PEX5L: variants seen among roughly 807,000 people sequenced by gnomAD.
The protein encoded by PEX5L is PEX5-related protein.
PEX5L carries 30 observed loss-of-function variants against 84.0 expected under a neutral mutation model. The ratio of observed to expected loss-of-function variants is 0.36; its 90% CI spans 0.27 to 0.48. The LOEUF (loss-of-function observed/expected upper bound fraction) is 0.48, where lower values mean the gene tolerates loss of function less well. PEX5L is among the 20% of genes least tolerant of loss of function. The probability of loss-of-function intolerance (pLI) is 0.99; values close to 1 mark genes in which losing one functional copy is unlikely to be tolerated. For synonymous variants in PEX5L, 270 were observed against 283.1 expected (o/e 0.95, Z 0.46); for missense variants, 533 against 754.6 (o/e 0.71, Z 3.44).
chr3:179,796,149 A>G lies in PEX5L; in HGVS notation c.*5679T>C, dbSNP rs1390284187. 6.6e-6 allele frequency: 1 copy of G among 152,096 alleles called. No individual in the cohort carries two copies. Among genetic ancestry groups the G allele is most frequent in the African/African-American group, 2.4e-5 (1 of 41,386 alleles). The allele number at this position is 152,096 out of a possible 1,614,324, so 9.4% of individuals were successfully genotyped here. On this transcript the variant is annotated 3_prime_UTR_variant, in exon 15 of 15. Transcript: ENST00000467460. ...CCTCTTAGTCTTTTTGTGTTATACC[A>G]TTTCCCTTTCCAAGAAATCCAAAGA...
At chr3:179,948,266 A>G (rs1306587537) in intron 2 of PEX5L, among the ~76,000 whole-genome samples, 2 of 152,212 alleles carry the variant, frequency 1.3e-5, no homozygotes, top group Non-Finnish European at 2.9e-5. Flanking sequence ...AAAGTTATTA[A>G]ATGATCAATC....
chr3:179,981,163 T>A (rs1786290919), intron 1 of PEX5L, among the ~76,000 whole-genome samples: 1 of 151,998 alleles, frequency 6.6e-6, no homozygotes, highest in Non-Finnish European at 1.5e-5. Flanking sequence ...GAGGATGGGG[T>A]GGCTGGAACA....
chr3:179,977,263 G>A (rs1054341999), intron 1 of PEX5L, among the ~76,000 whole-genome samples: 39 of 152,154 alleles, frequency 2.6e-4, no homozygotes, highest in African/African-American at 8.9e-4. Context: ...AAAAGATGGG[G>A]CCAGGACTTT....
At chr3:179,882,866 C>T (rs1256511391) in intron 4 of PEX5L, among the ~76,000 whole-genome samples, 2 of 152,050 alleles carry the variant, frequency 1.3e-5, no homozygotes, top group Non-Finnish European at 2.9e-5. Flanking sequence ...GCAGGAGGAT[C>T]GCTCGAAGCC....
chr3:179,888,658 G>T (rs1269811162), intron 3 of PEX5L, among the ~76,000 whole-genome samples: 1 of 151,140 alleles, frequency 6.6e-6, no homozygotes, highest in Non-Finnish European at 1.5e-5. Context: ...TTTTTTGGGG[G>T]GGGTGGGGGA....
chr3:179,989,310 CTG>C lies in PEX5L; in HGVS notation c.22-17647_22-17646del, dbSNP rs572734562. Among the ~76,000 whole-genome samples the C allele has an allele frequency of 1.6e-3, 249 of 152,310 alleles. 2 individuals carry two copies. The highest frequency in any genetic ancestry group is 6.8e-3 in the Middle Eastern group (2 of 294). ...TGAGACTATCTCTACTAATGATTGA[CTG>C]TTTTGAACAGAGTTCCTATATTTAG... On this transcript the variant is annotated intron_variant, in intron 1 of 14. Coordinates refer to ENST00000467460, the MANE Select transcript of PEX5L (RefSeq NM_016559.3).
chr3:179,973,019 G>T, intron 1 of PEX5L: 1 of 308,108 alleles, frequency 3.2e-6, no homozygotes, highest in Non-Finnish European at 5.9e-6. Context: ...AACAAGGTTG[G>T]TTTCAGTCAA....
intron 7 of PEX5L, among the ~76,000 whole-genome samples, chr3:179,871,632 C>G (rs1750424876): frequency 6.6e-6 from 1 of 152,198 alleles, no homozygotes; most frequent in Non-Finnish European, 1.5e-5. Context: ...GCCAATCACA[C>G]AGTTGTGGCT....
chr3:180,002,324 A>G (rs1490998925), intron 1 of PEX5L, among the ~76,000 whole-genome samples: 1 of 152,158 alleles, frequency 6.6e-6, no homozygotes, highest in Non-Finnish European at 1.5e-5. Flanking sequence ...CCAGGTTACA[A>G]GCTTGCTGAC....
chr3:179,949,633 T>C (rs1778547969), intron 2 of PEX5L, among the ~76,000 whole-genome samples: 1 of 152,002 alleles, frequency 6.6e-6, no homozygotes, highest in South Asian at 2.1e-4. Context: ...ACAAAGACAC[T>C]GAGTGGAGAC....
intron 1 of PEX5L, 90 bp downstream of exon 1, chr3:180,036,489 A>G: frequency 8.4e-7 from 1 of 1,185,512 alleles, no homozygotes; most frequent in Non-Finnish European, 1.3e-6. Flanking sequence ...AGCTGTGCGA[A>G]GGCAGCACTT....
chr3:180,005,580 T>C (rs1788810090), intron 1 of PEX5L, among the ~76,000 whole-genome samples: 1 of 151,980 alleles, frequency 6.6e-6, no homozygotes, highest in African/African-American at 2.4e-5. Context: ...CACAAAAAAA[T>C]TGGCCAGGCA....
At chr3:179,939,047 T>C (rs553744280) in intron 2 of PEX5L, among the ~76,000 whole-genome samples, 105 of 152,330 alleles carry the variant, frequency 6.9e-4, no homozygotes, top group African/African-American at 2.5e-3. Context: ...AAAGACTGCA[T>C]CATGCTGCTG....
At chr3:179,912,657 A>C (rs1765592768) in intron 2 of PEX5L, among the ~76,000 whole-genome samples, 1 of 152,060 alleles carries the variant, frequency 6.6e-6, no homozygotes, top group South Asian at 2.1e-4. Context: ...TTATGTTTGA[A>C]AATTTAGAAT....
chr3:179,985,170 T>C (rs1012058211), intron 1 of PEX5L, among the ~76,000 whole-genome samples: 2 of 152,214 alleles, frequency 1.3e-5, no homozygotes, highest in African/African-American at 4.8e-5. Flanking sequence ...TTACAAGGAT[T>C]ACAGGAAATA....
At chr3:179,883,691 G>A (rs1353438324) in intron 4 of PEX5L, among the ~76,000 whole-genome samples, 1 of 152,222 alleles carries the variant, frequency 6.6e-6, no homozygotes, top group African/African-American at 2.4e-5. Flanking sequence ...GCTGAGGCAG[G>A]AGAAATTGCT....
At chr3:180,011,074 C>A (rs1789435474) in intron 1 of PEX5L, among the ~76,000 whole-genome samples, 1 of 152,076 alleles carries the variant, frequency 6.6e-6, no homozygotes, top group Non-Finnish European at 1.5e-5. Context: ...AAGTCTACCA[C>A]CATCCACACC....
At chr3:179,875,615 G>A in intron 5 of PEX5L, 138 bp from the exon 6 acceptor site, 1 of 614,044 alleles carries the variant, frequency 1.6e-6, no homozygotes, top group Non-Finnish European at 2.8e-6. Flanking sequence ...TCTTATCCAA[G>A]GGAGCTTCAT....
chr3:179,913,087 T>A (rs924636905), intron 2 of PEX5L, among the ~76,000 whole-genome samples: 1 of 152,138 alleles, frequency 6.6e-6, no homozygotes, highest in Non-Finnish European at 1.5e-5. Context: ...TAGTCAGTCT[T>A]GAAGAGATGA....
Sources: allele counts gnomAD v4.1 joint callset (sites outside exome capture counted in the v4.1 genomes callset), GRCh38; gene constraint gnomAD v4.1.1; transcripts MANE v1.5; gene names NCBI Gene and HGNC (gene_info 2026-07-23, HGNC 2026-07-21).